The following AEBP2 variants were observed in gnomAD, a reference collection of about 807,000 sequenced individuals.
AEBP2 encodes the protein zinc finger protein AEBP2.
Under a neutral mutation model 50.8 loss-of-function variants are expected in AEBP2, and 10 were observed. That is an observed-to-expected ratio of 0.20 (90% confidence interval 0.12 to 0.33). AEBP2 has a LOEUF of 0.33. Ranked by LOEUF, AEBP2 falls within the 10% of genes least tolerant of loss-of-function variation. AEBP2 has a pLI of 1.00. For synonymous variants in AEBP2, 296 were observed against 261.3 expected (o/e 1.13, Z -1.28); for missense variants, 570 against 688.0 (o/e 0.83, Z 1.92).
chr12:19,521,938 C>A lies in AEBP2; in HGVS notation c.*3821C>A, dbSNP rs1592793853. 6.6e-6 allele frequency: 1 copy of A among 151,974 alleles called. No homozygotes were observed. Among genetic ancestry groups the A allele is most frequent in the Non-Finnish European group, 1.5e-5 (1 of 67,982 alleles). 9.4% of individuals were successfully genotyped at this position (151,974 alleles called of 1,614,324 possible). A position where few individuals can be genotyped will look rare whatever the true frequency, so the allele number is the denominator to read the frequency against. On this transcript the variant is annotated 3_prime_UTR_variant, in exon 8 of 8. Transcript: ENST00000266508. Reference sequence around the variant, plus strand: ...AACCTTTAATACCTCTGCATAAGTTCTCTGAAAGAACTTAAATTCTTAGTT... The same window carrying A: ...AACCTTTAATACCTCTGCATAAGTTATCTGAAAGAACTTAAATTCTTAGTT...
chr12:19,467,074 A>G (rs1484468324), intron 2 of AEBP2, among the ~76,000 whole-genome samples: 1 of 152,114 alleles, frequency 6.6e-6, no homozygotes, highest in East Asian at 1.9e-4. Context: ...AAATTAAACT[A>G]ATCTAAACAC....
rs1949353436 is a variant in AEBP2, at chr12:19,518,587, A to G, written c.*470A>G. The stretch of plus-strand genomic sequence containing the variant: ...TTGATTTGAAGTCATATTAGGAAAT[A>G]TTTAGACAATGAAAATTATCAAGAG... On this transcript the variant is annotated 3_prime_UTR_variant, in exon 8 of 8. Coordinates refer to ENST00000266508, the MANE Select transcript of AEBP2 (RefSeq NM_153207.5). 2 of 1,391,654 alleles carry G rather than the reference A, an allele frequency of 1.4e-6. 1 individual carries two copies. The highest frequency in any genetic ancestry group is 3.4e-5 in the South Asian group (2 of 58,040). 86.2% of individuals were successfully genotyped at this position (1,391,654 alleles called of 1,614,324 possible). A position where few individuals can be genotyped will look rare whatever the true frequency, so the allele number is the denominator to read the frequency against.
chr12:19,484,888 C>A (rs538141849), intron 3 of AEBP2, among the ~76,000 whole-genome samples: 4 of 151,886 alleles, frequency 2.6e-5, no homozygotes, highest in African/African-American at 9.7e-5. Context: ...ACTTTAACAC[C>A]CCAGTGTTTC....
At position 19,470,268 on chromosome 12, in the gene AEBP2, C is replaced by T. The variant is rs572382594; in HGVS notation, c.880-2980C>T. On this transcript the variant is annotated intron_variant, in intron 2 of 7. Coordinates refer to ENST00000266508, the MANE Select transcript of AEBP2 (RefSeq NM_153207.5). ...CCCCTCCCAGGTTCAAGCGATTCTC[C>T]TGCCTCAGCCTCCTGAGTAGCTGAG... is the stretch of plus-strand genomic sequence containing the variant. 2.0e-5 allele frequency among the ~76,000 whole-genome samples: 3 copies of T among 152,070 alleles called. No individual in the cohort carries two copies. The East Asian group carries it at 5.8e-4, about 29-fold the overall frequency.
intron 3 of AEBP2, among the ~76,000 whole-genome samples, chr12:19,487,923 GT>G (rs1452024717): frequency 6.6e-6 from 1 of 152,066 alleles, no homozygotes; most frequent in African/African-American, 2.4e-5. Context: ...TCTCATGTTT[GT>G]TTTGTGGTGC....
At chr12:19,432,606 A>G (rs955845212) in intron 1 of AEBP2, among the ~76,000 whole-genome samples, 3 of 152,072 alleles carry the variant, frequency 2.0e-5, no homozygotes, top group Non-Finnish European at 4.4e-5. Context: ...ATGTGGGAGG[A>G]TGGCTTGAAT....
intron 1 of AEBP2, among the ~76,000 whole-genome samples, chr12:19,460,249 A>ATAAT (rs955591109): frequency 5.9e-4 from 90 of 152,260 alleles, no homozygotes; most frequent in Non-Finnish European, 9.9e-4. Flanking sequence ...ATTTGATGTT[A>ATAAT]GACACAGATC....
At chr12:19,491,848 T>C (rs530020682) in intron 3 of AEBP2, among the ~76,000 whole-genome samples, 2 of 152,130 alleles carry the variant, frequency 1.3e-5, no homozygotes, top group South Asian at 2.1e-4. Context: ...AAATGGAAAG[T>C]GTGAGTTGAC....
chr12:19,449,777 G>T (rs1303964157), intron 1 of AEBP2, among the ~76,000 whole-genome samples: 1 of 151,894 alleles, frequency 6.6e-6, no homozygotes, highest in Non-Finnish European at 1.5e-5. Context: ...AATTTTTTTT[G>T]AATTATTTTA....
At chr12:19,507,383 T>C (rs1949167282) in intron 5 of AEBP2, among the ~76,000 whole-genome samples, 1 of 151,914 alleles carries the variant, frequency 6.6e-6, no homozygotes, top group Admixed American at 6.6e-5. Flanking sequence ...TAGCGATGGC[T>C]CCAAAAGAAG....
intron 5 of AEBP2, among the ~76,000 whole-genome samples, chr12:19,502,398 T>G (rs1949095001): frequency 6.6e-6 from 1 of 152,144 alleles, no homozygotes; most frequent in Non-Finnish European, 1.5e-5. Flanking sequence ...CCTCCCAAAG[T>G]GCTGGGATTA....
intron 1 of AEBP2, among the ~76,000 whole-genome samples, chr12:19,459,217 G>A (rs1948327427): frequency 6.6e-6 from 1 of 152,116 alleles, no homozygotes; most frequent in Admixed American, 6.6e-5. Context: ...AGGGCCTCAT[G>A]AAACTTGAAA....
intron 4 of AEBP2, among the ~76,000 whole-genome samples, chr12:19,496,287 G>T (rs2120474986): frequency 6.6e-6 from 1 of 152,278 alleles, no homozygotes; most frequent in South Asian, 2.1e-4. Flanking sequence ...AACTTAGCTA[G>T]TAAGGCAGGC....
intron 1 of AEBP2, among the ~76,000 whole-genome samples, chr12:19,423,156 C>G (rs1305111740): frequency 1.4e-5 from 2 of 147,474 alleles, no homozygotes; most frequent in East Asian, 2.1e-4. Context: ...TTATTCACAG[C>G]TATATGCCCA....
chr12:19,488,543 A>G (rs77627025), intron 3 of AEBP2, among the ~76,000 whole-genome samples: 3,232 of 152,198 alleles, frequency 0.021, 42 homozygotes, highest in East Asian at 0.043. Context: ...CAAGAAATCA[A>G]CATTTCTTTT....
upstream of AEBP2, among the ~76,000 whole-genome samples, chr12:19,434,639 T>A (rs2095753275): frequency 6.6e-6 from 1 of 152,216 alleles, no homozygotes; most frequent in Admixed American, 6.5e-5. Context: ...CTCAGGATCA[T>A]CAAACCTGTC....
intron 1 of AEBP2, chr12:19,456,526 A>G (rs553055317): frequency 5.2e-6 from 8 of 1,524,218 alleles, no homozygotes; most frequent in Admixed American, 3.4e-5. Context: ...GCAAACTTGC[A>G]TGCAGTGTGA....
At chr12:19,445,115 T>C (rs746019053) in intron 1 of AEBP2, among the ~76,000 whole-genome samples, 1 of 152,162 alleles carries the variant, frequency 6.6e-6, no homozygotes, top group Non-Finnish European at 1.5e-5. Flanking sequence ...ATGTGAATTG[T>C]AGAGTATTTG....
intron 5 of AEBP2, among the ~76,000 whole-genome samples, chr12:19,501,375 C>G (rs1949072256): frequency 2.0e-5 from 3 of 151,790 alleles, no homozygotes; most frequent in Non-Finnish European, 4.4e-5. Flanking sequence ...TGGCTCACAC[C>G]TATAATCCTA....
Sources: allele counts gnomAD v4.1 joint callset (sites outside exome capture counted in the v4.1 genomes callset), GRCh38; gene constraint gnomAD v4.1.1; transcripts MANE v1.5; gene names NCBI Gene and HGNC (gene_info 2026-07-23, HGNC 2026-07-21).